Variants in EPB41L4A observed in about 807,000 individuals in gnomAD.
The protein encoded by EPB41L4A is band 4.1-like protein 4A.
Under a neutral mutation model 108.6 loss-of-function variants are expected in EPB41L4A, and 100 were observed. The ratio of observed to expected loss-of-function variants is 0.92; its 90% CI spans 0.78 to 1.09. The LOEUF (loss-of-function observed/expected upper bound fraction) is 1.09. Among genes scored for constraint, EPB41L4A ranks in the 50% least tolerant of loss-of-function variants. The probability of loss-of-function intolerance (pLI) is 0.00; values close to 1 mark genes in which losing one functional copy is unlikely to be tolerated. For synonymous variants in EPB41L4A, 319 were observed against 289.0 expected, an observed-to-expected ratio of 1.10 and a Z score of -1.05; for missense variants, 1,030 against 842.7, an observed-to-expected ratio of 1.22 and a Z score of -2.75.
At chr5:112,238,054 G>GGAA (rs1202806237) in intron 11 of EPB41L4A, among the ~76,000 whole-genome samples, 4 of 152,136 alleles carry the variant, frequency 2.6e-5, no homozygotes, top group Non-Finnish European at 2.9e-5. Flanking sequence ...AATAAAGTAT[G>GGAA]GCTAAATTTG....
chr5:112,380,353 T>C (rs1474363635), intron 1 of EPB41L4A, among the ~76,000 whole-genome samples: 1 of 152,200 alleles, frequency 6.6e-6, no homozygotes, highest in African/African-American at 2.4e-5. Context: ...ATGTTTTTCA[T>C]TAAAACAAAA....
intron 9 of EPB41L4A, among the ~76,000 whole-genome samples, chr5:112,255,555 A>T (rs1751024365): frequency 6.6e-6 from 1 of 152,144 alleles, no homozygotes; most frequent in African/African-American, 2.4e-5. Flanking sequence ...TATCAGCATC[A>T]TCTGACACAT....
At chr5:112,154,513 T>G (rs1042807943) in intron 12 of EPB41L4A, among the ~76,000 whole-genome samples, 1 of 152,202 alleles carries the variant, frequency 6.6e-6, no homozygotes, top group Non-Finnish European at 1.5e-5. Flanking sequence ...AGTTTTTTCT[T>G]CAATACTCTT....
intron 2 of EPB41L4A, among the ~76,000 whole-genome samples, chr5:112,295,713 A>T (rs1445425724): frequency 2.0e-5 from 3 of 152,224 alleles, no homozygotes; most frequent in Non-Finnish European, 4.4e-5. Context: ...CATTTTATAC[A>T]TATTTCTGGC....
rs539945395 is a variant in EPB41L4A at position 112,395,282 on chromosome 5, A to G, written c.99+23659T>C. ...AACTAAAGAGCTTCTGCACAGCAAA[A>G]GAAACTACCATCAGAGTGAACAGGC... On this transcript the variant is annotated intron_variant, in intron 1 of 22. Transcript: ENST00000261486. Among the ~76,000 whole-genome samples, 14 of 152,366 alleles carry G rather than the reference A, an allele frequency of 9.2e-5. No individual in the cohort carries two copies. The South Asian group carries it at 2.9e-3, about 32-fold the overall frequency.
chr5:112,250,467 C>G (rs1750581736), intron 9 of EPB41L4A: 1 of 152,154 alleles, frequency 6.6e-6, no homozygotes, highest in Non-Finnish European at 1.5e-5. Context: ...CTCTCATATA[C>G]TTGCAGATTG....
At chr5:112,380,514 C>T (rs1048747795) in intron 1 of EPB41L4A, among the ~76,000 whole-genome samples, 12 of 152,038 alleles carry the variant, frequency 7.9e-5, no homozygotes, top group African/African-American at 2.9e-4. Context: ...CATAATGCTA[C>T]TGCTTAAAAA....
chr5:112,286,754 T>C (rs905593634), intron 2 of EPB41L4A, among the ~76,000 whole-genome samples: 2 of 152,134 alleles, frequency 1.3e-5, no homozygotes, highest in South Asian at 2.1e-4. Flanking sequence ...GACAGAATCA[T>C]TGTTGGAAGA....
At chr5:112,291,348 C>T (rs1388790189) in intron 2 of EPB41L4A, among the ~76,000 whole-genome samples, 1 of 152,218 alleles carries the variant, frequency 6.6e-6, no homozygotes, top group Admixed American at 6.5e-5. Context: ...TCCTGCCTGC[C>T]ATGCTCCTCC....
At chr5:112,277,182 G>C (rs890612480) in intron 3 of EPB41L4A, among the ~76,000 whole-genome samples, 2 of 152,138 alleles carry the variant, frequency 1.3e-5, no homozygotes, top group Non-Finnish European at 2.9e-5. Flanking sequence ...GGCAGCTGGG[G>C]TTGGTACCTA....
chr5:112,186,364 CTCATACT>C (rs1761427648), intron 17 of EPB41L4A, among the ~76,000 whole-genome samples: 1 of 152,156 alleles, frequency 6.6e-6, no homozygotes, highest in Non-Finnish European at 1.5e-5. Flanking sequence ...GCTGGCTACC[CTCATACT>C]CAGACTTCAC....
chr5:112,308,826 GTA>G (rs3067641), intron 1 of EPB41L4A, among the ~76,000 whole-genome samples: 4,062 of 152,230 alleles, frequency 0.027, 176 homozygotes, highest in African/African-American at 0.093. Flanking sequence ...TTTGATGAGA[GTA>G]TATGTTTTCC....
At chr5:112,190,768 T>G (rs759515091) in intron 17 of EPB41L4A, among the ~76,000 whole-genome samples, 9 of 152,146 alleles carry the variant, frequency 5.9e-5, no homozygotes, top group Non-Finnish European at 1.3e-4. Context: ...GTTATACAAG[T>G]TGCCCAAGGT....
At chr5:112,149,689 A>G (rs1050844044) in intron 12 of EPB41L4A, among the ~76,000 whole-genome samples, 7 of 152,240 alleles carry the variant, frequency 4.6e-5, no homozygotes, top group African/African-American at 9.6e-5. Context: ...GAGAAATCCT[A>G]TAATTCAGAA....
chr5:112,396,626 A>C (rs554940636), intron 1 of EPB41L4A, among the ~76,000 whole-genome samples: 40 of 152,312 alleles, frequency 2.6e-4, no homozygotes, highest in Non-Finnish European at 4.4e-4. Flanking sequence ...CAAATTCCAA[A>C]GTAGTCCAGG....
In EPB41L4A at chr5:112,205,629, T is replaced by C. The variant is rs1021960949; in HGVS notation, c.1179-125A>G. On this transcript the variant is annotated intron_variant, in intron 13 of 22. Coordinates refer to ENST00000261486, the MANE Select transcript of EPB41L4A (RefSeq NM_022140.5). ...ATGTGCACACTTATTTGCTTGTTTA[T>C]ACCTGTGACTCTAAAAAGAACATGA... The C allele has an allele frequency of 5.6e-6, 4 of 716,662 alleles. No individual in the cohort carries two copies. In the Admixed American group the frequency reaches 1.0e-4, roughly 18 times the overall value. 44.4% of individuals were successfully genotyped at this position (716,662 alleles called of 1,614,324 possible). A position where few individuals can be genotyped will look rare whatever the true frequency, so the allele number is the denominator to read the frequency against.
At chr5:112,161,502 T>C (rs765865149), downstream of EPB41L4A, 1 of 519,140 alleles carries the variant, frequency 1.9e-6, no homozygotes, top group Non-Finnish European at 3.8e-6. Context: ...GTGTTGCCCA[T>C]TCACTTTGGA....
At chr5:112,266,446 C>G (rs1295273657) in intron 4 of EPB41L4A, 116 bp from the exon 5 acceptor site, 3 of 682,284 alleles carry the variant, frequency 4.4e-6, no homozygotes, top group Non-Finnish European at 4.9e-6. Context: ...TAAAGTCACC[C>G]CCCATTCTTG....
chr5:112,301,625 CAGT>C (rs1188561725), intron 2 of EPB41L4A, among the ~76,000 whole-genome samples: 1 of 152,196 alleles, frequency 6.6e-6, no homozygotes, highest in Non-Finnish European at 1.5e-5. Flanking sequence ...TATATTTCTG[CAGT>C]AGTTCTGGAG....
Sources: allele counts gnomAD v4.1 joint callset (sites outside exome capture counted in the v4.1 genomes callset), GRCh38; gene constraint gnomAD v4.1.1; transcripts MANE v1.5; gene names NCBI Gene and HGNC (gene_info 2026-07-23, HGNC 2026-07-21).